Variants in PAAF1 observed in about 807,000 individuals in gnomAD.
PAAF1 encodes proteasomal ATPase-associated factor 1.
A neutral mutation model predicts 52.8 loss-of-function variants in PAAF1; 46 were observed. That is an observed-to-expected ratio of 0.87 (90% CI 0.69 to 1.11). PAAF1 has a LOEUF of 1.11. Among genes scored for constraint, PAAF1 ranks in the 50% most tolerant of loss-of-function variants. The pLI is 0.00. For missense variants in PAAF1, 424 were observed against 477.4 expected (o/e 0.89, Z 1.04); for synonymous variants, 178 against 172.8 (o/e 1.03, Z -0.24).
At chr11:73,896,389 C>G (rs1353354457) in intron 4 of PAAF1, among the ~76,000 whole-genome samples, 1 of 149,300 alleles carries the variant, frequency 6.7e-6, no homozygotes, top group African/African-American at 2.5e-5. Context: ...GAGAGAAGGT[C>G]AGCAGATAAA....
intron 1 of PAAF1, 74 bp from the exon 2 acceptor site, chr11:73,878,705 C>T: frequency 7.1e-7 from 1 of 1,407,684 alleles, no homozygotes; most frequent in Non-Finnish European, 1.0e-6. Flanking sequence ...ACATGACCTT[C>T]TTTCTTCCCT....
chr11:73,903,578 G>A (rs1052906683), intron 6 of PAAF1, among the ~76,000 whole-genome samples: 3 of 151,622 alleles, frequency 2.0e-5, no homozygotes, highest in Non-Finnish European at 2.9e-5. Context: ...TGAGCTGGGT[G>A]TGGTGGCTGG....
chr11:73,919,455 G>A (rs1416146658), intron 10 of PAAF1, among the ~76,000 whole-genome samples: 1 of 152,222 alleles, frequency 6.6e-6, no homozygotes, highest in Non-Finnish European at 1.5e-5. Context: ...CATGTAAACT[G>A]ATAAAGATTT....
chr11:73,881,305 T>G (rs1948900410), intron 2 of PAAF1, among the ~76,000 whole-genome samples: 1 of 152,168 alleles, frequency 6.6e-6, no homozygotes, highest in Non-Finnish European at 1.5e-5. Flanking sequence ...CAGTATTTTT[T>G]AAACAGAATC....
Position 73,924,646 on chromosome 11 carries a change from C to T in PAAF1, c.1050C>T (p.Asp350=). The T allele has an allele frequency of 1.9e-6, 3 of 1,614,016 alleles. No individual in the cohort carries two copies. Among genetic ancestry groups the T allele is most frequent in the Non-Finnish European group, 1.7e-6 (2 of 1,179,934 alleles). Reference sequence around the variant, plus strand: ...GAAGCTGTTTTATTGTCCAGCAAGACTTAGACTATGTCACTGAGCTCACTG... The same window carrying T: ...GAAGCTGTTTTATTGTCCAGCAAGATTTAGACTATGTCACTGAGCTCACTG... ...GDGSCFIVQQ[D]LDYVTELTGA... The change falls in exon 11 of 12, where the codon GAC becomes GAT. Residue 350 remains aspartate (D), a synonymous_variant. Coordinates refer to ENST00000310571, the MANE Select transcript of PAAF1 (RefSeq NM_025155.3).
intron 4 of PAAF1, among the ~76,000 whole-genome samples, chr11:73,895,462 G>T (rs879659298): frequency 2.0e-5 from 3 of 152,234 alleles, no homozygotes; most frequent in Non-Finnish European, 2.9e-5. Context: ...TAAGTTAGCA[G>T]TCCTTTTATT....
At chr11:73,911,670 C>G (rs1325327470) in intron 7 of PAAF1, among the ~76,000 whole-genome samples, 1 of 142,102 alleles carries the variant, frequency 7.0e-6, no homozygotes, top group East Asian at 2.1e-4. Context: ...GTTGCCCAGG[C>G]TGGAGTGCAG....
chr11:73,877,111 G>T, intron 1 of PAAF1, 43 bp downstream of exon 1: 1 of 1,489,766 alleles, frequency 6.7e-7, no homozygotes, highest in Non-Finnish European at 9.0e-7. Context: ...GCGGGTAGTG[G>T]ATGTTGCTTT....
chr11:73,877,318 A>T (rs1227020650), intron 1 of PAAF1: 1 of 353,950 alleles, frequency 2.8e-6, no homozygotes, highest in Non-Finnish European at 5.1e-6. Flanking sequence ...TGAGTTGGAG[A>T]AAGACAGGGA....
intron 4 of PAAF1, among the ~76,000 whole-genome samples, chr11:73,891,699 C>G (rs1041569833): frequency 6.6e-6 from 1 of 152,132 alleles, no homozygotes; most frequent in African/African-American, 2.4e-5. Flanking sequence ...TTTTTGAGCC[C>G]AGGAGTTGGA....
intron 9 of PAAF1, 134 bp from the exon 10 acceptor site, chr11:73,918,815 GA>G: frequency 1.5e-6 from 1 of 686,222 alleles, no homozygotes; most frequent in Admixed American, 3.2e-5. Flanking sequence ...TGCCAGGAAA[GA>G]AACCATAGAA....
chr11:73,896,940 A>C (rs1591069458), intron 4 of PAAF1, among the ~76,000 whole-genome samples: 1 of 125,276 alleles, frequency 8.0e-6, no homozygotes, highest in Admixed American at 8.2e-5. Flanking sequence ...GACCCCCCAG[A>C]CCTCCCTCCC....
At chr11:73,922,816 C>CA (rs372724683) in intron 10 of PAAF1, among the ~76,000 whole-genome samples, 25,135 of 77,110 alleles carry the variant, frequency 0.33, 3,355 homozygotes, top group African/African-American at 0.44. Context: ...GACTCCGTCT[C>CA]AAAAAAAAAA....
At chr11:73,888,356 C>T (rs1451645057) in intron 3 of PAAF1, among the ~76,000 whole-genome samples, 1 of 152,150 alleles carries the variant, frequency 6.6e-6, no homozygotes, top group Non-Finnish European at 1.5e-5. Flanking sequence ...CCTTATAATC[C>T]ATATCTGGTG....
At chr11:73,922,701 C>A (rs2135233595) in intron 10 of PAAF1, among the ~76,000 whole-genome samples, 1 of 151,806 alleles carries the variant, frequency 6.6e-6, no homozygotes, top group East Asian at 1.9e-4. Flanking sequence ...CCTGTAGTCC[C>A]AGCTACTTGG....
At chr11:73,880,915 G>A (rs1347606245) in intron 2 of PAAF1, among the ~76,000 whole-genome samples, 2 of 152,010 alleles carry the variant, frequency 1.3e-5, no homozygotes, top group African/African-American at 2.4e-5. Flanking sequence ...CAGGAGAATC[G>A]CTTAAACCCA....
At chr11:73,899,762 CAG>C (rs893091443) in intron 5 of PAAF1, among the ~76,000 whole-genome samples, 1 of 152,148 alleles carries the variant, frequency 6.6e-6, no homozygotes, top group Admixed American at 6.6e-5. Context: ...TTTGGCAGAA[CAG>C]AGTGGGGCTG....
In PAAF1 at chr11:73,900,289, T is replaced by C; in HGVS notation, c.401T>C (p.Val134Ala). 1 of 1,609,890 alleles carries C rather than the reference T, an allele frequency of 6.2e-7. No individual in the cohort carries two copies. The highest frequency in any genetic ancestry group is 1.3e-5 in the African/African-American group (1 of 74,828). Reference sequence around the variant, plus strand: ...TTCCAGAGAGTATTGGAAGGACATGTGTTTGATGTGAATTGTTGCAGGTTT... The same window carrying C: ...TTCCAGAGAGTATTGGAAGGACATGCGTTTGATGTGAATTGTTGCAGGTTT... ...GELRRVLEGH[V>A]FDVNCCRFFP... The change falls in exon 6 of 12, where the codon GTG (valine) becomes GCG (alanine). Residue 134 changes from valine to alanine, a missense_variant. By Grantham distance (64) the Val-to-Ala change is moderately conservative. Coordinates refer to ENST00000310571, the MANE Select transcript of PAAF1 (RefSeq NM_025155.3).
chr11:73,914,424 G>A lies in PAAF1; in HGVS notation c.739G>A (p.Val247Ile). ...TATTTGTCATGCAGGTGAACGGGAGGTTGGAACAGAGGCCAAAATGCTGCT... is the reference window on the plus strand; with the variant it reads ...TATTTGTCATGCAGGTGAACGGGAGATTGGAACAGAGGCCAAAATGCTGCT... The part of the protein sequence containing the change: ...SPEQMPSERE[V>I]GTEAKMLLLA... Residue 247 changes from valine (V) to isoleucine (I), a missense_variant, in exon 8 of 12, where the codon GTT (valine) becomes ATT (isoleucine). By Grantham distance (29) the Val-to-Ile change is conservative (BLOSUM62 3). Transcript: ENST00000310571. The A allele has an allele frequency of 6.2e-7, 1 of 1,614,038 alleles. No homozygotes were observed. Among genetic ancestry groups the A allele is most frequent in the Non-Finnish European group, 8.5e-7 (1 of 1,179,950 alleles).
Sources: gnomAD v4.1 joint callset for allele counts (sites outside exome capture counted in the v4.1 genomes callset) on GRCh38, gnomAD v4.1.1 for gene constraint, MANE v1.5 for transcripts, NCBI Gene and HGNC (gene_info 2026-07-23, HGNC 2026-07-21) for gene names.